PBX4: variants seen among roughly 807,000 people sequenced by gnomAD.
The protein encoded by PBX4 is pre-B-cell leukemia transcription factor 4.
In PBX4, 26 loss-of-function variants were observed where a neutral mutation model predicts 35.1. The ratio of observed to expected loss-of-function variants is 0.74; its 90% CI spans 0.54 to 1.03. PBX4 has a LOEUF of 1.03. Among genes scored for constraint, PBX4 ranks in the 50% least tolerant of loss-of-function variants. The pLI, the probability that PBX4 is intolerant of heterozygous loss-of-function variation, is 0.00. For missense variants in PBX4, 448 were observed against 504.3 expected (o/e 0.89, Z 1.07); for synonymous variants, 199 against 204.2 (o/e 0.97, Z 0.22).
chr19:19,564,960 C>G lies in PBX4; in HGVS notation c.898G>C (p.Ala300Pro). Reference sequence around the variant, plus strand: ...GAGCTAGGTGTTGACAGGCAGCTGGCGTGGTTCCCTGGGACCCCAACTTCC... The same window carrying G: ...GAGCTAGGTGTTGACAGGCAGCTGGGGTGGTTCCCTGGGACCCCAACTTCC... ...TTEVGVPGNH[A>P]SCLSTPSSGS... Residue 300 changes from alanine to proline, a missense_variant, in exon 6 of 8, where the codon GCC (alanine) becomes CCC (proline). Physicochemically the swap from Ala to Pro is conservative, Grantham distance 27 (BLOSUM62 -1). Coordinates refer to ENST00000251203, the MANE Select transcript of PBX4 (RefSeq NM_025245.3). 1 of 1,614,242 alleles carries G rather than the reference C, an allele frequency of 6.2e-7. No homozygotes were observed. The highest frequency in any genetic ancestry group is 8.5e-7 in the Non-Finnish European group (1 of 1,180,050).
intron 1 of PBX4, among the ~76,000 whole-genome samples, chr19:19,612,836 TTC>T (rs1302877386): frequency 2.1e-5 from 3 of 144,422 alleles, no homozygotes; most frequent in African/African-American, 7.3e-5. Flanking sequence ...ACCATTTAAT[TTC>T]TTTTTTTTTT....
At chr19:19,590,512 A>G (rs2061521464) in intron 2 of PBX4, among the ~76,000 whole-genome samples, 1 of 144,752 alleles carries the variant, frequency 6.9e-6, no homozygotes, top group Non-Finnish European at 1.5e-5. Context: ...TCTGTCACCT[A>G]GGCTGGAGTA....
Position 19,569,430 on chromosome 19 carries a change from T to C in PBX4, c.768+19A>G. 6.2e-7 allele frequency: 1 copy of C among 1,605,714 alleles called. No individual in the cohort carries two copies. The highest frequency in any genetic ancestry group is 1.1e-5 in the South Asian group (1 of 89,980). On this transcript the variant is annotated intron_variant, in intron 5 of 7. Transcript: ENST00000251203. ...CACTCCTCCCAGGCGTGGCGAGACG[T>C]GGCAGGAGAGAACGTCACCTGGGAG... is the stretch of plus-strand genomic sequence containing the variant.
chr19:19,584,498 C>G (rs1157092351), intron 2 of PBX4, among the ~76,000 whole-genome samples: 1 of 152,098 alleles, frequency 6.6e-6, no homozygotes, highest in Non-Finnish European at 1.5e-5. Flanking sequence ...GACCCACTCA[C>G]AGGCTGAAGG....
intron 2 of PBX4, among the ~76,000 whole-genome samples, chr19:19,580,443 G>A (rs946847687): frequency 2.6e-5 from 4 of 152,136 alleles, no homozygotes; most frequent in Non-Finnish European, 5.9e-5. Flanking sequence ...TAGAAAGAAC[G>A]GGGCCACTGG....
In PBX4 at chr19:19,618,405, C is replaced by T. The variant is rs2061699185; in HGVS notation, c.119+106G>A. On this transcript the variant is annotated intron_variant, in intron 1 of 7. Transcript: ENST00000251203. ...TCGTCCTCGGGACCCCCCTCCAGCC[C>T]TCCTCAAGCGCCCCTCGTCAGTCTG... The T allele has an allele frequency of 5.5e-6, 6 of 1,097,178 alleles. No homozygotes were observed. The South Asian group carries it at 1.4e-4, about 26-fold the overall frequency. 68.0% of individuals were successfully genotyped at this position (1,097,178 alleles called of 1,614,324 possible).
intron 2 of PBX4, among the ~76,000 whole-genome samples, chr19:19,576,816 G>C (rs1415278775): frequency 6.6e-6 from 1 of 151,424 alleles, no homozygotes; most frequent in Non-Finnish European, 1.5e-5. Context: ...ATCTCACTAT[G>C]TTGCCCAGGC....
intron 1 of PBX4, among the ~76,000 whole-genome samples, chr19:19,617,556 T>G (rs1347006819): frequency 6.6e-6 from 1 of 152,162 alleles, no homozygotes; most frequent in Non-Finnish European, 1.5e-5. Context: ...AGTGCTGTGA[T>G]TAGAGATGTG....
intron 2 of PBX4, among the ~76,000 whole-genome samples, chr19:19,583,670 TCAGGCACGGTAGCTCATGCCCTAATCC>T (rs1337939141): frequency 1.3e-5 from 2 of 151,776 alleles, no homozygotes; most frequent in East Asian, 3.9e-4. Context: ...GCAAACCTGG[TCAGGCACGGTAGCTCATGCCCTAATCC>T]CAGCACTTTA....
At chr19:19,617,380 G>A (rs1200866721) in intron 1 of PBX4, among the ~76,000 whole-genome samples, 2 of 151,980 alleles carry the variant, frequency 1.3e-5, no homozygotes, top group African/African-American at 4.8e-5. Context: ...GGCTTGATTC[G>A]GCTCACTGCA....
chr19:19,611,714 G>A (rs967509624), intron 1 of PBX4, among the ~76,000 whole-genome samples: 6 of 150,888 alleles, frequency 4.0e-5, no homozygotes, highest in Non-Finnish European at 8.9e-5. Flanking sequence ...AAAGTTCAGA[G>A]ATATGTTTTC....
intron 2 of PBX4, among the ~76,000 whole-genome samples, chr19:19,594,593 G>A (rs1227856036): frequency 2.0e-5 from 3 of 152,256 alleles, no homozygotes; most frequent in African/African-American, 4.8e-5. Flanking sequence ...CCACACAGGG[G>A]CAGATGGAAT....
At chr19:19,610,033 C>G (rs2061654656) in intron 1 of PBX4, among the ~76,000 whole-genome samples, 2 of 152,158 alleles carry the variant, frequency 1.3e-5, no homozygotes, top group Non-Finnish European at 2.9e-5. Context: ...TGAAATTCTA[C>G]ACATGGCTTT....
chr19:19,601,299 C>T (rs1446191002), intron 1 of PBX4, among the ~76,000 whole-genome samples: 1 of 152,180 alleles, frequency 6.6e-6, no homozygotes, highest in African/African-American at 2.4e-5. Flanking sequence ...TGTGAGAACA[C>T]ACTGGGTTCA....
chr19:19,573,224 G>A (rs959392540), intron 2 of PBX4, among the ~76,000 whole-genome samples: 5 of 151,722 alleles, frequency 3.3e-5, no homozygotes, highest in African/African-American at 1.2e-4. Context: ...AGAATCGCTT[G>A]AATCCGGGAG....
At chr19:19,615,207 C>T (rs569295685) in intron 1 of PBX4, among the ~76,000 whole-genome samples, 47 of 143,798 alleles carry the variant, frequency 3.3e-4, no homozygotes, top group African/African-American at 1.0e-3. Flanking sequence ...ATTAGCCAGG[C>T]GTGGTGGCAC....
chr19:19,594,711 C>T (rs1288578686), intron 2 of PBX4, among the ~76,000 whole-genome samples: 1 of 152,074 alleles, frequency 6.6e-6, no homozygotes, highest in Non-Finnish European at 1.5e-5. Flanking sequence ...CTTCCTGAGA[C>T]TACAGTTGAT....
chr19:19,618,672 C>T lies in PBX4; in HGVS notation c.-43G>A, dbSNP rs2061701595. 1.7e-6 allele frequency: 2 copies of T among 1,187,162 alleles called. No individual in the cohort carries two copies. Among genetic ancestry groups the T allele is most frequent in the Non-Finnish European group, 2.1e-6 (2 of 959,226 alleles). 73.5% of individuals were successfully genotyped at this position (1,187,162 alleles called of 1,614,324 possible). A position where few individuals can be genotyped will look rare whatever the true frequency, so the allele number is the denominator to read the frequency against. The stretch of plus-strand genomic sequence containing the variant: ...GGGCGCTGTGAGGGTGCCGTCGAGC[C>T]TGGAGCACTACCACTGGCGCCGCAG... On this transcript the variant is annotated 5_prime_UTR_variant, in exon 1 of 8. Transcript: ENST00000251203.
At chr19:19,612,166 A>G (rs1459562718) in intron 1 of PBX4, among the ~76,000 whole-genome samples, 1 of 151,732 alleles carries the variant, frequency 6.6e-6, no homozygotes, top group African/African-American at 2.4e-5. Context: ...TGTAATCCCA[A>G]CTACTCGGGA....
Sources: gnomAD v4.1 joint callset for allele counts (sites outside exome capture counted in the v4.1 genomes callset) on GRCh38, gnomAD v4.1.1 for gene constraint, MANE v1.5 for transcripts, NCBI Gene and HGNC (gene_info 2026-07-23, HGNC 2026-07-21) for gene names.